The following LAMA2 variants were observed in gnomAD, a reference collection of about 807,000 sequenced individuals.
LAMA2 encodes laminin subunit alpha-2.
In LAMA2, 269 loss-of-function variants were observed where a neutral mutation model predicts 364.8. That is an observed-to-expected ratio of 0.74 (90% confidence interval 0.67 to 0.82). The LOEUF (loss-of-function observed/expected upper bound fraction) is 0.82, where lower values mean the gene tolerates loss of function less well. LAMA2 is among the 40% of genes least tolerant of loss of function. The pLI is 0.00. For synonymous variants in LAMA2, 1,379 were observed against 1,370.6 expected (o/e 1.01, Z -0.14); for missense variants, 3,807 against 3,873.2 (o/e 0.98, Z 0.45).
intron 18 of LAMA2, among the ~76,000 whole-genome samples, chr6:129,283,942 C>A (rs943738677): frequency 1.3e-5 from 2 of 152,084 alleles, no homozygotes; most frequent in Admixed American, 6.6e-5. Flanking sequence ...TGTCAAGAGG[C>A]CACTCATATG....
chr6:128,921,569 C>G (rs1057374326), intron 1 of LAMA2, among the ~76,000 whole-genome samples: 1 of 152,076 alleles, frequency 6.6e-6, no homozygotes, highest in Non-Finnish European at 1.5e-5. Flanking sequence ...GGGAGTGGTG[C>G]ATCCACAAGC....
chr6:129,098,089 C>A, intron 3 of LAMA2, 84 bp from the exon 4 acceptor site: 1 of 1,352,216 alleles, frequency 7.4e-7, no homozygotes, highest in Non-Finnish European at 1.1e-6. Flanking sequence ...ATAAAATCTA[C>A]TGTAGCATTT....
At chr6:129,077,836 A>T (rs1246716500) in intron 3 of LAMA2, among the ~76,000 whole-genome samples, 3 of 152,126 alleles carry the variant, frequency 2.0e-5, no homozygotes, top group Admixed American at 6.5e-5. Context: ...ACTATTTCTC[A>T]CTTTCTTTAA....
chr6:129,317,530 A>G (rs759028462), intron 27 of LAMA2, among the ~76,000 whole-genome samples: 1 of 152,116 alleles, frequency 6.6e-6, no homozygotes, highest in African/African-American at 2.4e-5. Flanking sequence ...ATTCACTTTT[A>G]TATATGTATT....
intron 41 of LAMA2, among the ~76,000 whole-genome samples, chr6:129,434,400 A>G (rs1781740893): frequency 6.6e-6 from 1 of 152,170 alleles, no homozygotes; most frequent in African/African-American, 2.4e-5. Context: ...AGGGAGAGCC[A>G]GACTTAAAGA....
chr6:129,287,713 C>T lies in LAMA2; in HGVS notation c.2538-134C>T. 4 of 791,536 alleles carry T rather than the reference C, an allele frequency of 5.1e-6. No homozygotes were observed. In the Admixed American group the frequency reaches 7.3e-5, roughly 14 times the overall value. 49.0% of individuals were successfully genotyped at this position (791,536 alleles called of 1,614,324 possible). On this transcript the variant is annotated intron_variant, in intron 18 of 64. Transcript: ENST00000421865. The stretch of plus-strand genomic sequence containing the variant: ...AGTTGTAGAAAAACATTTTTTTAAT[C>T]ACGTTGCGTTTGAGAAAAGGAACAC...
intron 3 of LAMA2, among the ~76,000 whole-genome samples, chr6:129,094,557 T>C (rs1410628634): frequency 6.6e-6 from 1 of 152,338 alleles, no homozygotes; most frequent in East Asian, 1.9e-4. Flanking sequence ...CTTGGCCTTA[T>C]CACATATTTG....
chr6:128,984,089 A>T (rs1783063795), intron 1 of LAMA2, among the ~76,000 whole-genome samples: 1 of 152,288 alleles, frequency 6.6e-6, no homozygotes, highest in Non-Finnish European at 1.5e-5. Flanking sequence ...TATACAATGA[A>T]TTCTACTACC....
chr6:129,030,304 G>A (rs1431051639), intron 1 of LAMA2, among the ~76,000 whole-genome samples: 1 of 151,924 alleles, frequency 6.6e-6, no homozygotes, highest in East Asian at 1.9e-4. Context: ...TTCTTGCATG[G>A]GTCTGAAGCT....
intron 1 of LAMA2, chr6:128,905,418 GT>G (rs1471432057): frequency 6.6e-6 from 1 of 151,846 alleles, no homozygotes; most frequent in Admixed American, 6.6e-5. Flanking sequence ...CCAATTCTGT[GT>G]CAGGCATTTT....
intron 1 of LAMA2, among the ~76,000 whole-genome samples, chr6:128,888,188 A>G (rs913313712): frequency 6.6e-6 from 1 of 152,182 alleles, no homozygotes; most frequent in African/African-American, 2.4e-5. Flanking sequence ...GGCTTAGTAT[A>G]TACCAAGCAG....
chr6:129,475,754 C>T (rs532029356), intron 53 of LAMA2, among the ~76,000 whole-genome samples: 24 of 152,170 alleles, frequency 1.6e-4, no homozygotes, highest in African/African-American at 5.1e-4. Context: ...CTGGGAAACA[C>T]GGTAAAGTGG....
At chr6:129,210,880 A>G (rs1783058149) in intron 12 of LAMA2, among the ~76,000 whole-genome samples, 1 of 152,112 alleles carries the variant, frequency 6.6e-6, no homozygotes, top group Non-Finnish European at 1.5e-5. Context: ...AGTGGTCGAC[A>G]GAGTTCATTT....
chr6:129,170,829 C>G (rs534316738), intron 9 of LAMA2, among the ~76,000 whole-genome samples: 32 of 149,426 alleles, frequency 2.1e-4, no homozygotes, highest in African/African-American at 6.7e-4. Context: ...GTAGGTCACT[C>G]AGGACTTGCT....
At chr6:129,266,640 C>A (rs543351142) in intron 15 of LAMA2, among the ~76,000 whole-genome samples, 1 of 152,000 alleles carries the variant, frequency 6.6e-6, no homozygotes, top group East Asian at 1.9e-4. Context: ...GAAATGATGA[C>A]GTTAAGGGCA....
At chr6:129,041,580 A>G (rs1319060804) in intron 1 of LAMA2, among the ~76,000 whole-genome samples, 4 of 152,268 alleles carry the variant, frequency 2.6e-5, no homozygotes, top group Admixed American at 6.5e-5. Context: ...AATCCAAAGA[A>G]TGAGATAAAT....
chr6:129,361,366 T>C (rs1562493142), intron 32 of LAMA2, among the ~76,000 whole-genome samples: 1 of 152,230 alleles, frequency 6.6e-6, no homozygotes, highest in Non-Finnish European at 1.5e-5. Flanking sequence ...TGTGCAAAAC[T>C]TGAAAAAGTG....
In LAMA2 at chr6:129,092,919, A is replaced by C. The variant is rs114793914; in HGVS notation, c.397-5254A>C. Among the ~76,000 whole-genome samples the C allele has an allele frequency of 6.7e-3, 1,015 of 152,246 alleles. 12 individuals are homozygous for C. The highest frequency in any genetic ancestry group is 0.023 in the African/African-American group (954 of 41,540). On this transcript the variant is annotated intron_variant, in intron 3 of 64. Coordinates refer to ENST00000421865, the MANE Select transcript of LAMA2 (RefSeq NM_000426.4). ...TTTGGCTGGGTCTCTTAACTGTGTA[A>C]CAGTGGTGCTCAAAAGTCTCTGTAA... is the stretch of plus-strand genomic sequence containing the variant.
chr6:129,443,696 A>G (rs7748719), intron 44 of LAMA2, among the ~76,000 whole-genome samples: 101,624 of 152,028 alleles, frequency 0.67, 34,677 homozygotes, highest in African/African-American at 0.81. Flanking sequence ...TAACAAATGA[A>G]CAACTACTGG....
Sources: allele counts gnomAD v4.1 joint callset (sites outside exome capture counted in the v4.1 genomes callset), GRCh38; gene constraint gnomAD v4.1.1; transcripts MANE v1.5; gene names NCBI Gene and HGNC (gene_info 2026-07-23, HGNC 2026-07-21).